Variants in FUT1 observed in about 807,000 individuals in gnomAD.
The protein encoded by FUT1 is fucosyltransferase 1 (H blood group).
For missense variants in FUT1, 476 were observed against 492.7 expected, an observed-to-expected ratio of 0.97 and a Z score of 0.32; for synonymous variants, 215 against 208.7, an observed-to-expected ratio of 1.03 and a Z score of -0.26.
In FUT1 at chr19:48,748,584, G is replaced by T. The variant is rs2033942845; in HGVS notation, c.*1600C>A. 1 of 152,312 alleles carries T rather than the reference G, an allele frequency of 6.6e-6. No individual in the cohort carries two copies. Among genetic ancestry groups the T allele is most frequent in the African/African-American group, 2.4e-5 (1 of 41,454 alleles). 9.4% of individuals were successfully genotyped at this position (152,312 alleles called of 1,614,324 possible). ...AAAAGTGTCCCTGGATCCCTGGAAA[G>T]TTCTGCTCCAGAAGCTGTACCATTT... On this transcript the variant is annotated 3_prime_UTR_variant, in exon 2 of 2. Transcript: ENST00000645652.
Position 48,752,128 on chromosome 19 carries a change from A to G in FUT1, c.-3+362T>C, listed in dbSNP as rs952332543. On this transcript the variant is annotated intron_variant, in intron 1 of 1. Coordinates refer to ENST00000645652, the MANE Select transcript of FUT1 (RefSeq NM_001384359.1). This position sits in a 1 kb window ranked among gnomAD's most constrained non-coding sequence, Gnocchi z 4.3. The stretch of plus-strand genomic sequence containing the variant: ...CTGTCTTAAAAAAAAAAAAAAAAAA[A>G]AAAAAAGAAAGTGGTCCAGGTTCCT... 6.0e-5 allele frequency among the ~76,000 whole-genome samples: 9 copies of G among 148,922 alleles called. No individual in the cohort carries two copies. Among genetic ancestry groups the G allele is most frequent in the East Asian group, 1.9e-4 (1 of 5,140 alleles).
chr19:48,751,776 A>C (rs539680139), intron 1 of FUT1, among the ~76,000 whole-genome samples: 2 of 152,098 alleles, frequency 1.3e-5, no homozygotes, highest in East Asian at 1.9e-4. Flanking sequence ...ACGTGGAGAA[A>C]CCCTGTCTCT....
At chr19:48,751,318 TG>T (rs1568491036) in intron 1 of FUT1, 35 bp from the exon 2 acceptor site, 1 of 1,608,288 alleles carries the variant, frequency 6.2e-7, no homozygotes, top group Admixed American at 1.7e-5. Context: ...GCAAATGCTC[TG>T]AGGCTGAGGA....
At chr19:48,751,927 G>A (rs915892495) in intron 1 of FUT1, among the ~76,000 whole-genome samples, 1 of 151,524 alleles carries the variant, frequency 6.6e-6, no homozygotes, top group African/African-American at 2.4e-5. Flanking sequence ...CTCCAGCCTG[G>A]GCAACAAGAG....
In FUT1 at chr19:48,750,657, C is replaced by T. The variant is rs199502509; in HGVS notation, c.625G>A (p.Asp209Asn). The T allele has an allele frequency of 3.1e-6, 5 of 1,612,784 alleles. No homozygotes were observed. Among genetic ancestry groups the T allele is most frequent in the Admixed American group, 3.3e-5 (2 of 60,028 alleles). Residue 209 changes from aspartate to asparagine, a missense_variant, in exon 2 of 2, where the codon GAC (aspartate) becomes AAC (asparagine). Physicochemically the swap from Asp to Asn is conservative, Grantham distance 23. Coordinates refer to ENST00000645652, the MANE Select transcript of FUT1 (RefSeq NM_001384359.1). The stretch of plus-strand genomic sequence containing the variant: ...ACGCCGACAAAGGTGCGCGGGCGGT[C>T]CCCTGTGCGGCCCAGGCGGAGCTGA... ...LGQLRLGRTG[D>N]RPRTFVGVHV...
Position 48,748,222 on chromosome 19 carries a change from G to C in FUT1, c.*1962C>G, listed in dbSNP as rs536700529. ...AACAGCAAGGGGCTCCTGAGATCTC[G>C]ACAACCCCGTCCACCTTGGCCAGAC... On this transcript the variant is annotated 3_prime_UTR_variant, in exon 2 of 2. Coordinates refer to ENST00000645652, the MANE Select transcript of FUT1 (RefSeq NM_001384359.1). 1 of 152,346 alleles carries C rather than the reference G, an allele frequency of 6.6e-6. No homozygotes were observed. Among genetic ancestry groups the C allele is most frequent in the East Asian group, 1.9e-4 (1 of 5,330 alleles). 9.4% of individuals were successfully genotyped at this position (152,346 alleles called of 1,614,324 possible).
rs780348492 is a variant in FUT1, at chr19:48,751,272, G to A, written c.10C>T (p.Arg4Trp). The A allele has an allele frequency of 5.0e-6, 8 of 1,614,002 alleles. No individual in the cohort carries two copies. The highest frequency in any genetic ancestry group is 2.2e-5 in the East Asian group (1 of 44,886). The change falls in exon 2 of 2, where the codon CGG (arginine) becomes TGG (tryptophan). Residue 4 changes from arginine (R) to tryptophan (W), a missense_variant. By Grantham distance (101) the Arg-to-Trp change is moderately radical (BLOSUM62 -3). Coordinates refer to ENST00000645652, the MANE Select transcript of FUT1 (RefSeq NM_001384359.1). MWL[R>W]SHRQLCLAFL... is the part of the protein sequence containing the mutation. ...GCCAGGCAGAGCTGACGATGGCTCC[G>A]GAGCCACATGGCTGCAGGGGAGGAA...
Position 48,750,396 on chromosome 19 carries a change from G to A in FUT1, c.886C>T (p.Leu296=), listed in dbSNP as rs1263037571. The stretch of plus-strand genomic sequence containing the variant: ...ATGGTGTGGTTGCACTGTGTGAGCA[G>A]GGCAAAGTCTTTCCACGGTGTAGCC... The part of the protein sequence containing the change: ...QEATPWKDFA[L]LTQCNHTIMT... The change falls in exon 2 of 2, where the codon CTG becomes TTG. Residue 296 remains leucine (L), a synonymous_variant. Coordinates refer to ENST00000645652, the MANE Select transcript of FUT1 (RefSeq NM_001384359.1). 4.3e-6 allele frequency: 7 copies of A among 1,614,246 alleles called. No individual in the cohort carries two copies. Among genetic ancestry groups the A allele is most frequent in the South Asian group, 1.1e-5 (1 of 91,086 alleles).
rs757943319 is a variant in FUT1, at chr19:48,750,158, G to C, written c.*26C>G. On this transcript the variant is annotated 3_prime_UTR_variant, in exon 2 of 2. Transcript: ENST00000645652. ...GTACTGCTGGCTCTAGAAAGATCAG[G>C]CTACTTCAGAAAGTCTCCCTGGCTC... 302 of 1,599,384 alleles carry C rather than the reference G, an allele frequency of 1.9e-4. 1 individual carries two copies. The highest frequency in any genetic ancestry group is 2.4e-4 in the Non-Finnish European group (282 of 1,173,842).
chr19:48,754,142 C>T (rs1384977189), upstream of FUT1, among the ~76,000 whole-genome samples: 2 of 149,972 alleles, frequency 1.3e-5, no homozygotes, highest in South Asian at 2.1e-4. Flanking sequence ...GCCGAGATCA[C>T]GCCACTGCAC....
At chr19:48,754,415 G>A (rs1442105125), upstream of FUT1, among the ~76,000 whole-genome samples, 2 of 152,016 alleles carry the variant, frequency 1.3e-5, no homozygotes, top group African/African-American at 2.4e-5. Flanking sequence ...ATTCCCTTTC[G>A]TGGTCTGCTG....
At position 48,750,584 on chromosome 19, in the gene FUT1, T is replaced by C; in HGVS notation, c.698A>G (p.Lys233Arg). The C allele has an allele frequency of 6.2e-7, 1 of 1,611,472 alleles. No individual in the cohort carries two copies. The change falls in exon 2 of 2, where the codon AAG becomes AGG. Residue 233 changes from lysine (K) to arginine (R), a missense_variant. Transcript: ENST00000645652. ...GTAGGCGCTGTCGCCCACCACACCCTTCCAGCGCTGAGGCATAACCTGCAG... is the reference window on the plus strand; with the variant it reads ...GTAGGCGCTGTCGCCCACCACACCCCTCCAGCGCTGAGGCATAACCTGCAG... ...DYLQVMPQRW[K>R]GVVGDSAYLR... is the part of the protein sequence containing the mutation.
rs541722036 is a variant in FUT1 at position 48,750,633 on chromosome 19, C to A, written c.649G>T (p.Val217Phe). ...AGATAGTCCCCACGGCGCACGTGGA[C>A]GCCGACAAAGGTGCGCGGGCGGTCC... ...TGDRPRTFVG[V>F]HVRRGDYLQV... Residue 217 changes from valine (V) to phenylalanine (F), a missense_variant, in exon 2 of 2, where the codon GTC (valine) becomes TTC (phenylalanine). Physicochemically the swap from Val to Phe is conservative, Grantham distance 50. Transcript: ENST00000645652. The A allele has an allele frequency of 1.2e-6, 2 of 1,611,920 alleles. No individual in the cohort carries two copies. The highest frequency in any genetic ancestry group is 2.2e-5 in the East Asian group (1 of 44,888).
chr19:48,751,017 A>G lies in FUT1; in HGVS notation c.265T>C (p.Phe89Leu). The change falls in exon 2 of 2, where the codon TTT becomes CTT. Residue 89 changes from phenylalanine to leucine, a missense_variant. By Grantham distance (22) the Phe-to-Leu change is conservative. Coordinates refer to ENST00000645652, the MANE Select transcript of FUT1 (RefSeq NM_001384359.1). ...GTWTVYPNGR[F>L]GNQMGQYATL... The stretch of plus-strand genomic sequence containing the variant: ...GCATACTGTCCCATCTGATTACCAA[A>G]CCGGCCATTGGGGTAGACAGTCCAG... 3 of 1,589,996 alleles carry G rather than the reference A, an allele frequency of 1.9e-6. No individual in the cohort carries two copies. In the East Asian group the frequency reaches 6.7e-5, roughly 36 times the overall value.
In FUT1 at chr19:48,749,811, G is replaced by C. The variant is rs2033966234; in HGVS notation, c.*373C>G. 1 of 310,606 alleles carries C rather than the reference G, an allele frequency of 3.2e-6. No homozygotes were observed. The highest frequency in any genetic ancestry group is 8.3e-5 in the East Asian group (1 of 12,100). The allele number at this position is 310,606 out of a possible 1,614,324, so 19.2% of individuals were successfully genotyped here. A position where few individuals can be genotyped will look rare whatever the true frequency, so the allele number is the denominator to read the frequency against. On this transcript the variant is annotated 3_prime_UTR_variant, in exon 2 of 2. Coordinates refer to ENST00000645652, the MANE Select transcript of FUT1 (RefSeq NM_001384359.1). The stretch of plus-strand genomic sequence containing the variant: ...AATGCTTGCTCTGGAGCAATCATAT[G>C]CTCCTTCAGTCTTTGGAGGACCCAG...
chr19:48,753,373 C>G (rs1422876853), upstream of FUT1: 1 of 152,420 alleles, frequency 6.6e-6, no homozygotes, highest in East Asian at 1.9e-4. Flanking sequence ...CGGAGTGGAA[C>G]AGGGTCTGTT....
intron 1 of FUT1, 116 bp from the exon 2 acceptor site, chr19:48,751,399 G>A: frequency 8.9e-7 from 1 of 1,119,302 alleles, no homozygotes; most frequent in Non-Finnish European, 1.3e-6. Context: ...CCCAGGGAAA[G>A]AGGAAGTTAA....
upstream of FUT1, chr19:48,752,978 C>A: frequency 1.6e-5 from 13 of 836,242 alleles, no homozygotes; most frequent in Non-Finnish European, 1.9e-5. This position sits in a 1 kb window ranked among gnomAD's most constrained non-coding sequence, Gnocchi z 4.3. Context: ...GTCCAATCCG[C>A]CGCCCTCTCT....
Position 48,750,975 on chromosome 19 carries a change from C to T in FUT1, c.307G>A (p.Ala103Thr). 1.9e-6 allele frequency: 3 copies of T among 1,599,688 alleles called. No homozygotes were observed. Among genetic ancestry groups the T allele is most frequent in the Non-Finnish European group, 2.6e-6 (3 of 1,171,702 alleles). Residue 103 changes from alanine (A) to threonine (T), a missense_variant, in exon 2 of 2, where the codon GCC becomes ACC. Transcript: ENST00000645652. ...AAGGCCCGGCGGCCGTTGAGCTGGG[C>T]CAGAGCCAGCAGCGTGGCATACTGT... ...MGQYATLLAL[A>T]QLNGRRAFIL...
Sources: gnomAD v4.1 joint callset for allele counts (sites outside exome capture counted in the v4.1 genomes callset) on GRCh38, gnomAD v4.1.1 for gene constraint, Gnocchi (gnomAD v3.1) non-coding constraint, MANE v1.5 for transcripts, NCBI Gene and HGNC (gene_info 2026-07-23, HGNC 2026-07-21) for gene names.